Variants in DIPK1A observed in about 807,000 individuals in gnomAD.
The protein encoded by DIPK1A is family with sequence similarity 69 member A.
Under a neutral mutation model 40.8 loss-of-function variants are expected in DIPK1A, and 27 were observed. That is an observed-to-expected ratio of 0.66 (90% CI 0.49 to 0.91). The LOEUF (loss-of-function observed/expected upper bound fraction) is 0.91. DIPK1A is among the 40% of genes least tolerant of loss of function. The pLI is 0.00. For missense variants in DIPK1A, 412 were observed against 505.7 expected (o/e 0.81, Z 1.78); for synonymous variants, 166 against 171.3 (o/e 0.97, Z 0.24).
chr1:92,917,302 G>A (rs1220948238), intron 1 of DIPK1A, among the ~76,000 whole-genome samples: 1 of 151,942 alleles, frequency 6.6e-6, no homozygotes, highest in Non-Finnish European at 1.5e-5. Flanking sequence ...GAGTTCTCAG[G>A]TCATACAGTA....
At chr1:92,874,719 T>C (rs1176285185) in intron 2 of DIPK1A, among the ~76,000 whole-genome samples, 1 of 152,190 alleles carries the variant, frequency 6.6e-6, no homozygotes, top group African/African-American at 2.4e-5. Flanking sequence ...TTAGCTTTAT[T>C]AGACTGTAAC....
At chr1:92,919,171 T>C (rs1342832928) in intron 1 of DIPK1A, among the ~76,000 whole-genome samples, 1 of 152,224 alleles carries the variant, frequency 6.6e-6, no homozygotes, top group Non-Finnish European at 1.5e-5. Context: ...AAAATATAGC[T>C]AGATGACCAC....
chr1:92,899,320 T>C (rs907562752), intron 1 of DIPK1A, among the ~76,000 whole-genome samples: 1 of 152,192 alleles, frequency 6.6e-6, no homozygotes, highest in Non-Finnish European at 1.5e-5. Context: ...CCTCTTTGTA[T>C]AGTTTTTGAC....
chr1:92,884,431 T>C (rs1648509920), intron 1 of DIPK1A, among the ~76,000 whole-genome samples: 1 of 151,958 alleles, frequency 6.6e-6, no homozygotes, highest in Non-Finnish European at 1.5e-5. Flanking sequence ...CTAACCTAGG[T>C]GACAGAGCAA....
Position 92,862,488 on chromosome 1 carries a change from G to C in DIPK1A, c.190-11533C>G, listed in dbSNP as rs1478136013. Among the ~76,000 whole-genome samples the C allele has an allele frequency of 2.6e-5, 4 of 152,104 alleles. No individual in the cohort carries two copies. The East Asian group carries it at 7.7e-4, about 29-fold the overall frequency. Reference sequence around the variant, plus strand: ...AAATTATTTCCTTCATATCCTTTGAGGCTGTTTCATCCCTTCCATTCCCAT... The same window carrying C: ...AAATTATTTCCTTCATATCCTTTGACGCTGTTTCATCCCTTCCATTCCCAT... On this transcript the variant is annotated intron_variant, in intron 2 of 4. Transcript: ENST00000370310.
intron 1 of DIPK1A, among the ~76,000 whole-genome samples, chr1:92,928,790 C>T (rs768215898): frequency 5.3e-5 from 8 of 152,080 alleles, no homozygotes; most frequent in African/African-American, 1.2e-4. Flanking sequence ...GGCAAAACCC[C>T]GACTCTACTA....
At chr1:92,860,645 A>T (rs142750873) in intron 2 of DIPK1A, among the ~76,000 whole-genome samples, 2,245 of 11,470 alleles carry the variant, frequency 0.2, 195 homozygotes, top group Admixed American at 0.33. Flanking sequence ...AAAAAAAAAA[A>T]ATGGTGGTGT....
At chr1:92,911,686 T>A (rs528975563) in intron 1 of DIPK1A, among the ~76,000 whole-genome samples, 2 of 152,264 alleles carry the variant, frequency 1.3e-5, no homozygotes, top group South Asian at 2.1e-4. Flanking sequence ...CTCAGGAGTA[T>A]AATTGCTGGG....
intron 1 of DIPK1A, among the ~76,000 whole-genome samples, chr1:92,880,869 C>CCAAA (rs112768555): frequency 0.038 from 5,623 of 148,068 alleles, 348 homozygotes; most frequent in African/African-American, 0.13. Context: ...GACTCCGTCT[C>CCAAA]CAAACAAACA....
chr1:92,862,587 C>T (rs939822875), intron 2 of DIPK1A, among the ~76,000 whole-genome samples: 3 of 152,214 alleles, frequency 2.0e-5, no homozygotes, highest in Non-Finnish European at 4.4e-5. Flanking sequence ...GATCCCCCTG[C>T]TTGTGCTGTC....
downstream of DIPK1A, among the ~76,000 whole-genome samples, chr1:92,839,408 G>T (rs1182220485): frequency 6.6e-6 from 1 of 152,118 alleles, no homozygotes. Flanking sequence ...GGCTTTTCAG[G>T]AAAACTTCTG....
exon 5 of DIPK1A, chr1:92,832,839 C>T (rs141684211): frequency 3.3e-6 from 2 of 602,564 alleles, no homozygotes; most frequent in East Asian, 5.6e-5. Flanking sequence ...TGCTCTTGCC[C>T]AGTTAAGCTT....
intron 2 of DIPK1A, 96 bp from the exon 3 acceptor site, chr1:92,851,051 CAAAA>C: frequency 1.3e-6 from 1 of 766,730 alleles, no homozygotes; most frequent in Non-Finnish European, 2.1e-6. Flanking sequence ...AGTTCTATGA[CAAAA>C]AGAACTGAGG....
At chr1:92,877,175 C>A (rs1230623053) in intron 1 of DIPK1A, 1 of 981,144 alleles carries the variant, frequency 1.0e-6, no homozygotes, top group Non-Finnish European at 1.2e-6. Context: ...GCTCTTGTAT[C>A]TAATTGCAAC....
intron 2 of DIPK1A, among the ~76,000 whole-genome samples, chr1:92,874,903 A>T (rs1446296727): frequency 6.6e-6 from 1 of 152,056 alleles, no homozygotes; most frequent in African/African-American, 2.4e-5. Context: ...CATGTAAAGT[A>T]CCCAGTACAT....
intron 2 of DIPK1A, among the ~76,000 whole-genome samples, chr1:92,875,198 C>T (rs1024666288): frequency 2.6e-5 from 4 of 152,152 alleles, no homozygotes; most frequent in Non-Finnish European, 5.9e-5. Context: ...TCTTATTTAT[C>T]TTACCTTACT....
chr1:92,913,477 C>T (rs1051731624), intron 1 of DIPK1A, among the ~76,000 whole-genome samples: 6 of 152,128 alleles, frequency 3.9e-5, no homozygotes, highest in Non-Finnish European at 8.8e-5. Context: ...TAAAAGATGG[C>T]AAAAATATCC....
At chr1:92,902,943 G>T (rs2255717) in intron 1 of DIPK1A, among the ~76,000 whole-genome samples, 99,015 of 151,708 alleles carry the variant, frequency 0.65, 32,748 homozygotes, top group East Asian at 0.95. Context: ...CTTGGAGCGT[G>T]CCTGAGTGTT....
intron 1 of DIPK1A, among the ~76,000 whole-genome samples, chr1:92,957,427 G>A (rs759525953): frequency 6.6e-6 from 1 of 152,222 alleles, no homozygotes; most frequent in African/African-American, 2.4e-5. Flanking sequence ...CCCAAGTAAT[G>A]TTTCAACAAA....
Sources: allele counts gnomAD v4.1 joint callset (sites outside exome capture counted in the v4.1 genomes callset), GRCh38; gene constraint gnomAD v4.1.1; transcripts MANE v1.5; gene names NCBI Gene and HGNC (gene_info 2026-07-23, HGNC 2026-07-21).